The following GAS6 variants were observed in gnomAD, a reference collection of about 807,000 sequenced individuals.
GAS6 encodes growth arrest specific 6, also known as growth arrest-specific protein 6.
A neutral mutation model predicts 75.8 loss-of-function variants in GAS6; 41 were observed. That is an observed-to-expected ratio of 0.54 (90% confidence interval 0.42 to 0.70). The LOEUF is 0.70. Among genes scored for constraint, GAS6 ranks in the 30% least tolerant of loss-of-function variants. The pLI, the probability that GAS6 is intolerant of heterozygous loss-of-function variation, is 0.00. For missense variants in GAS6, 854 were observed against 940.2 expected (o/e 0.91, Z 1.20); for synonymous variants, 432 against 412.6 (o/e 1.05, Z -0.57).
chr13:113,832,276 AG>A, intron 10 of GAS6, 22 bp downstream of exon 10: 1 of 1,593,736 alleles, frequency 6.3e-7, no homozygotes, highest in Middle Eastern at 2.3e-4. Flanking sequence ...GAGGCCTGGA[AG>A]GGGTGGCTGC....
chr13:113,820,863 C>T lies in GAS6; in HGVS notation c.*1G>A. ...AGAAGCCTGCCGCGTCCCGTGGGGG[C>T]CTAGGCTGCGGCGGGCTCCACGGGG... On this transcript the variant is annotated 3_prime_UTR_variant, in exon 15 of 15. Coordinates refer to ENST00000327773, the MANE Select transcript of GAS6 (RefSeq NM_000820.4). 1 of 1,609,316 alleles carries T rather than the reference C, an allele frequency of 6.2e-7. No individual in the cohort carries two copies. The highest frequency in any genetic ancestry group is 8.5e-7 in the Non-Finnish European group (1 of 1,179,440).
In GAS6 at chr13:113,823,382, T is replaced by C. The variant is rs1304670746; in HGVS notation, c.1646A>G (p.Lys549Arg). ...GGGTGGCGGAGGCCCTACCTGCTTC[T>C]TGAGTTTCTTCGTGGAGTGATAGTC... ...LVDYHSTKKL[K>R]KQLVVLAVEH... is the part of the protein sequence containing the mutation. Residue 549 changes from lysine (K) to arginine (R), a missense_variant, in exon 13 of 15, where the codon AAG becomes AGG. Transcript: ENST00000327773. The C allele has an allele frequency of 6.2e-7, 1 of 1,609,772 alleles. No individual in the cohort carries two copies. Among genetic ancestry groups the C allele is most frequent in the South Asian group, 1.1e-5 (1 of 90,766 alleles).
In GAS6 at chr13:113,854,747, C is replaced by T. The variant is rs1370614979; in HGVS notation, c.256-6697G>A. On this transcript the variant is annotated intron_variant, in intron 2 of 14. Coordinates refer to ENST00000327773, the MANE Select transcript of GAS6 (RefSeq NM_000820.4). ...CTCTGGCCATTTGGCAGCATCCTTG[C>T]GGGCCCTGAGAGAAGCCAGTCAGGA... 3.3e-5 allele frequency among the ~76,000 whole-genome samples: 5 copies of T among 152,328 alleles called. 1 individual carries two copies. Among genetic ancestry groups the T allele is most frequent in the East Asian group, 1.9e-4 (1 of 5,188 alleles).
chr13:113,838,236 C>T, intron 5 of GAS6, 45 bp from the exon 6 acceptor site: 1 of 1,607,654 alleles, frequency 6.2e-7, no homozygotes, highest in Admixed American at 1.7e-5. Flanking sequence ...GGGTGCACAG[C>T]CCCTGGCTAC....
rs2051639597 is a variant in GAS6 at position 113,832,377 on chromosome 13, C to T, written c.1065G>A (p.Leu355=). 1.2e-6 allele frequency: 2 copies of T among 1,610,730 alleles called. No individual in the cohort carries two copies. The highest frequency in any genetic ancestry group is 1.7e-5 in the Admixed American group (1 of 59,986). Residue 355 remains leucine (L), a synonymous_variant, in exon 10 of 15, where the codon CTG becomes CTA. Transcript: ENST00000327773. ...CACCGTTGTAGCGCAGCTGCAGCTC[C>T]AGCCGGCCGGCTCTCAGGGCCAGCA... ...WIVLALRAGR[L]ELQLRYNGVG...
intron 4 of GAS6, chr13:113,841,386 G>C (rs1467716853): frequency 1.3e-5 from 2 of 152,652 alleles, no homozygotes; most frequent in African/African-American, 4.8e-5. Flanking sequence ...GCTTCTTTCT[G>C]CGACGCTTCG....
chr13:113,858,311 A>G (rs1285110323), intron 2 of GAS6, among the ~76,000 whole-genome samples: 1 of 152,192 alleles, frequency 6.6e-6, no homozygotes, highest in Non-Finnish European at 1.5e-5. Flanking sequence ...CATATTATGC[A>G]TGTGTGTACA....
intron 2 of GAS6, among the ~76,000 whole-genome samples, chr13:113,862,725 G>C (rs1258841705): frequency 1.3e-5 from 2 of 152,194 alleles, no homozygotes; most frequent in African/African-American, 2.4e-5. Context: ...GGTTCATCCA[G>C]AACCACTCTT....
Position 113,822,152 on chromosome 13 carries a change from G to C in GAS6, c.1688C>G (p.Ala563Gly). Residue 563 changes from alanine (A) to glycine (G), a missense_variant, in exon 14 of 15, where the codon GCC (alanine) becomes GGC (glycine). Coordinates refer to ENST00000327773, the MANE Select transcript of GAS6 (RefSeq NM_000820.4). ...VVLAVEHTALALMEIKVCDGQ... is the reference protein window; with the variant it reads ...VVLAVEHTALGLMEIKVCDGQ... Reference sequence around the variant, plus strand: ...GTCGCAGACCTTGATCTCCATTAGGGCCAAGGCCGTATGCTCCACGGCCAG... The same window carrying C: ...GTCGCAGACCTTGATCTCCATTAGGCCCAAGGCCGTATGCTCCACGGCCAG... 1 of 1,590,768 alleles carries C rather than the reference G, an allele frequency of 6.3e-7. No homozygotes were observed. The highest frequency in any genetic ancestry group is 8.6e-7 in the Non-Finnish European group (1 of 1,168,746).
intron 12 of GAS6, among the ~76,000 whole-genome samples, chr13:113,826,481 T>G (rs1217726965): frequency 2.6e-5 from 3 of 117,328 alleles, no homozygotes; most frequent in East Asian, 2.6e-4. Flanking sequence ...AGGCACCTTC[T>G]CTCCCCGGCC....
At chr13:113,859,582 G>A (rs375804424) in intron 2 of GAS6, among the ~76,000 whole-genome samples, 2 of 151,776 alleles carry the variant, frequency 1.3e-5, no homozygotes, top group Non-Finnish European at 2.9e-5. Context: ...GTGTGCATAC[G>A]TATGTACATG....
chr13:113,861,664 GGAGCCGGC>G (rs1386401865), intron 2 of GAS6, among the ~76,000 whole-genome samples: 17 of 152,182 alleles, frequency 1.1e-4, no homozygotes, highest in African/African-American at 4.1e-4. Context: ...CTGGTGTGCT[GGAGCCGGC>G]TGGGACTCAA....
chr13:113,833,978 C>T lies in GAS6; in HGVS notation c.834+573G>A, dbSNP rs72488205. Among the ~76,000 whole-genome samples the T allele has an allele frequency of 1.4e-3, 202 of 140,922 alleles. 4 individuals are homozygous for T. In the East Asian group the frequency reaches 0.03, roughly 21 times the overall value. 92.5% of individuals were successfully genotyped at this position (140,922 alleles called of 152,430 possible). On this transcript the variant is annotated intron_variant, in intron 8 of 14. Coordinates refer to ENST00000327773, the MANE Select transcript of GAS6 (RefSeq NM_000820.4). Reference sequence around the variant, plus strand: ...AGGTAGGTCATGCTGTGACAGGCCCCGGTGTGACAGGTCGGTGTGACAGAC... The same window carrying T: ...AGGTAGGTCATGCTGTGACAGGCCCTGGTGTGACAGGTCGGTGTGACAGAC...
chr13:113,837,699 A>G lies in GAS6; in HGVS notation c.589+370T>C, dbSNP rs901487251. Among the ~76,000 whole-genome samples the G allele has an allele frequency of 6.6e-6, 1 of 151,980 alleles. No homozygotes were observed. Among genetic ancestry groups the G allele is most frequent in the East Asian group, 1.9e-4 (1 of 5,168 alleles). On this transcript the variant is annotated intron_variant, in intron 6 of 14. Coordinates refer to ENST00000327773, the MANE Select transcript of GAS6 (RefSeq NM_000820.4). The surrounding 1 kb of genome is among the most constrained non-coding windows in gnomAD (Gnocchi z 5.1). ...GGGTGCTTCTGGGGATGCTGGGGAG[A>G]GTGGACGGCGGGGGGACCCTAGCCT...
chr13:113,854,900 G>C (rs1395743968), intron 2 of GAS6, among the ~76,000 whole-genome samples: 4 of 152,196 alleles, frequency 2.6e-5, no homozygotes, highest in African/African-American at 7.2e-5. Context: ...ACTAAAGACA[G>C]GCCAGTCTGT....
At chr13:113,830,230 G>C (rs926305191) in intron 10 of GAS6, among the ~76,000 whole-genome samples, 1 of 152,164 alleles carries the variant, frequency 6.6e-6, no homozygotes, top group Admixed American at 6.5e-5. Flanking sequence ...GGTCAGCTGG[G>C]TTTGGGCAGC....
At chr13:113,823,620 C>T in intron 12 of GAS6, 70 bp from the exon 13 acceptor site, 1 of 1,460,300 alleles carries the variant, frequency 6.8e-7, no homozygotes, top group Non-Finnish European at 9.3e-7. Flanking sequence ...CGGAGCAGGG[C>T]CTCGAGAGAT....
chr13:113,846,496 T>C lies in GAS6; in HGVS notation c.343+31A>G, dbSNP rs1433754810. 1.9e-6 allele frequency: 3 copies of C among 1,608,190 alleles called. No homozygotes were observed. The South Asian group carries it at 3.3e-5, about 18-fold the overall frequency. Reference sequence around the variant, plus strand: ...CTAAAGCCGCCCAAACCCACAGTGCTCCCAGGAAGGCGCAAAGGAGGCCGA... The same window carrying C: ...CTAAAGCCGCCCAAACCCACAGTGCCCCCAGGAAGGCGCAAAGGAGGCCGA... On this transcript the variant is annotated intron_variant, in intron 4 of 14. Coordinates refer to ENST00000327773, the MANE Select transcript of GAS6 (RefSeq NM_000820.4).
intron 4 of GAS6, 21 bp downstream of exon 4, chr13:113,846,506 G>A (rs1371932434): frequency 6.2e-7 from 1 of 1,612,328 alleles, no homozygotes; most frequent in South Asian, 1.1e-5. Flanking sequence ...TCCCAGGAAG[G>A]CGCAAAGGAG....
Sources: allele counts gnomAD v4.1 joint callset (sites outside exome capture counted in the v4.1 genomes callset), GRCh38; gene constraint gnomAD v4.1.1; non-coding constraint Gnocchi (gnomAD v3.1); transcripts MANE v1.5; gene names NCBI Gene and HGNC (gene_info 2026-07-23, HGNC 2026-07-21).